ZC3H11A: variants seen among roughly 807,000 people sequenced by gnomAD.
The protein encoded by ZC3H11A is zinc finger CCCH domain-containing protein 11A.
A neutral mutation model predicts 90.8 loss-of-function variants in ZC3H11A; 22 were observed. The ratio of observed to expected loss-of-function variants is 0.24; its 90% CI spans 0.17 to 0.35. The LOEUF (loss-of-function observed/expected upper bound fraction) is 0.35. Among genes scored for constraint, ZC3H11A ranks in the 10% least tolerant of loss-of-function variants. ZC3H11A has a pLI of 1.00. For missense variants in ZC3H11A, 701 were observed against 964.9 expected, an observed-to-expected ratio of 0.73 and a Z score of 3.62; for synonymous variants, 294 against 339.8, an observed-to-expected ratio of 0.87 and a Z score of 1.48.
intron 10 of ZC3H11A, 112 bp downstream of exon 10, chr1:203,833,965 C>CTT: frequency 7.1e-7 from 1 of 1,406,074 alleles, no homozygotes; most frequent in Admixed American, 2.7e-5. Flanking sequence ...CCTGTATTGG[C>CTT]TGAAAGCACT....
chr1:203,828,951 C>T (rs1236643482), intron 5 of ZC3H11A, among the ~76,000 whole-genome samples: 1 of 152,114 alleles, frequency 6.6e-6, no homozygotes, highest in African/African-American at 2.4e-5. Flanking sequence ...GTGGTTATTC[C>T]CAAAGTTCAT....
At position 203,849,897 on chromosome 1, in the gene ZC3H11A, A is replaced by C. The variant is rs755520271; in HGVS notation, c.1810A>C (p.Ile604Leu). The change falls in exon 15 of 18, where the codon ATC becomes CTC. Residue 604 changes from isoleucine to leucine, a missense_variant. Ile to Leu is a conservative substitution (Grantham distance 5). Around this residue, in one of 4 missense-constraint regions of ZC3H11A, gnomAD observed 530 missense variants for 696.2 expected, o/e 0.76. Coordinates refer to ENST00000367210, the MANE Select transcript of ZC3H11A (RefSeq NM_001376342.1). ...EKPVLTAVPG[I>L]TRHLTKRLPT... ...ACCAGTGCTCACTGCTGTGCCAGGA[A>C]TCACACGGCACCTGACCAAGCGGCT... 1.1e-5 allele frequency: 18 copies of C among 1,614,166 alleles called. No homozygotes were observed. Among genetic ancestry groups the C allele is most frequent in the Non-Finnish European group, 1.5e-5 (18 of 1,180,046 alleles).
intron 13 of ZC3H11A, 55 bp downstream of exon 13, chr1:203,847,742 G>T: frequency 6.4e-7 from 1 of 1,562,884 alleles, no homozygotes; most frequent in Non-Finnish European, 8.6e-7. Flanking sequence ...TTCCAGAGGA[G>T]TGTTCCGTGG....
chr1:203,819,660 G>A (rs1175087656), intron 4 of ZC3H11A, among the ~76,000 whole-genome samples: 19 of 148,628 alleles, frequency 1.3e-4, no homozygotes, highest in Admixed American at 8.8e-4. Flanking sequence ...TCAGCCTCCC[G>A]AGTAGCTAGA....
chr1:203,812,510 C>T (rs1674830173), intron 2 of ZC3H11A, among the ~76,000 whole-genome samples: 1 of 150,876 alleles, frequency 6.6e-6, no homozygotes, highest in East Asian at 1.9e-4. Flanking sequence ...TTTCAGACTT[C>T]TGTCTTGTTG....
Position 203,847,370 on chromosome 1 carries a change from T to C in ZC3H11A, c.1229T>C (p.Leu410Pro). The C allele has an allele frequency of 1.2e-6, 2 of 1,613,882 alleles. No homozygotes were observed. The highest frequency in any genetic ancestry group is 2.2e-5 in the South Asian group (2 of 91,076). The change falls in exon 13 of 18, where the codon CTG (leucine) becomes CCG (proline). Residue 410 changes from leucine to proline, a missense_variant. Around this residue, in one of 4 missense-constraint regions of ZC3H11A, gnomAD observed 530 missense variants for 696.2 expected, o/e 0.76. Transcript: ENST00000367210. ...TIRIKTFSEV[L>P]AEKKHRQQEA... is the part of the protein sequence containing the mutation. ...CGTATCAAAACCTTCTCTGAGGTCC[T>C]GGCTGAAAAAAAACATCGGCAGCAG...
chr1:203,845,439 G>T lies in ZC3H11A; in HGVS notation c.1043-1745G>T, dbSNP rs1259026900. ...GAGTGCTTCCTTTGCAATATTACAG[G>T]TACCTAAATACAGTCGTTGTTCTCA... On this transcript the variant is annotated intron_variant, in intron 12 of 17. Transcript: ENST00000367210. 2.0e-5 allele frequency among the ~76,000 whole-genome samples: 3 copies of T among 152,190 alleles called. No homozygotes were observed. The South Asian group carries it at 6.2e-4, about 31-fold the overall frequency.
chr1:203,819,211 TTTTTC>T (rs1206374862), intron 4 of ZC3H11A, among the ~76,000 whole-genome samples: 20 of 147,700 alleles, frequency 1.4e-4, no homozygotes, highest in African/African-American at 4.6e-4. Flanking sequence ...ATGCAATTTT[TTTTTC>T]TTTCTTTTTA....
intron 8 of ZC3H11A, 83 bp from the exon 9 acceptor site, chr1:203,831,578 C>CTTTTTT: frequency 3.5e-6 from 4 of 1,148,432 alleles, no homozygotes; most frequent in Non-Finnish European, 5.1e-6. Flanking sequence ...TTGGACTTAA[C>CTTTTTT]TGGTTACAAA....
At chr1:203,806,830 C>CTTTTTTTTTTTTTT (rs373591619) in intron 2 of ZC3H11A, among the ~76,000 whole-genome samples, 2 of 117,852 alleles carry the variant, frequency 1.7e-5, no homozygotes, top group African/African-American at 3.2e-5. Context: ...CCTCAGGTTC[C>CTTTTTTTTTTTTTT]TTTTTTTTTT....
intron 1 of ZC3H11A, chr1:203,798,004 G>A: frequency 6.5e-7 from 1 of 1,533,900 alleles, no homozygotes. Context: ...GTCAGCAGGG[G>A]TAAACCAGGT....
intron 2 of ZC3H11A, among the ~76,000 whole-genome samples, chr1:203,805,143 A>ATT (rs148879848): frequency 1.5e-5 from 2 of 131,404 alleles, no homozygotes; most frequent in African/African-American, 5.7e-5. Flanking sequence ...TACAGTAGTG[A>ATT]TTTTTTTTTT....
intron 4 of ZC3H11A, among the ~76,000 whole-genome samples, chr1:203,821,900 G>A (rs1384320348): frequency 6.6e-6 from 1 of 152,004 alleles, no homozygotes; most frequent in East Asian, 1.9e-4. Flanking sequence ...TGGGATTACA[G>A]GTGCCCGCCA....
chr1:203,827,614 G>A (rs1354086558), intron 4 of ZC3H11A, among the ~76,000 whole-genome samples: 5 of 151,780 alleles, frequency 3.3e-5, no homozygotes, highest in East Asian at 1.9e-4. Flanking sequence ...CCCGGGAGGC[G>A]GAGCTTGCAG....
intron 13 of ZC3H11A, among the ~76,000 whole-genome samples, chr1:203,847,994 T>A (rs1000686170): frequency 2.0e-5 from 3 of 152,158 alleles, no homozygotes; most frequent in Non-Finnish European, 4.4e-5. Context: ...TAGCTGGGGC[T>A]ACAGACATGT....
intron 1 of ZC3H11A, chr1:203,801,077 T>C (rs1670423967): frequency 6.6e-6 from 1 of 152,208 alleles, no homozygotes; most frequent in South Asian, 2.1e-4. Flanking sequence ...TAGGAAAATA[T>C]ACTTTTAGTC....
intron 1 of ZC3H11A, chr1:203,798,016 G>T: frequency 6.5e-7 from 1 of 1,533,974 alleles, no homozygotes; most frequent in Non-Finnish European, 8.7e-7. Context: ...AAACCAGGTA[G>T]CCATCTTGGT....
chr1:203,838,721 T>C (rs1309590748), intron 11 of ZC3H11A, among the ~76,000 whole-genome samples: 1 of 151,906 alleles, frequency 6.6e-6, no homozygotes, highest in Non-Finnish European at 1.5e-5. Flanking sequence ...GAGGCCGAGG[T>C]GGGTGGATCA....
At chr1:203,824,934 G>A (rs1679996091) in intron 4 of ZC3H11A, among the ~76,000 whole-genome samples, 1 of 151,942 alleles carries the variant, frequency 6.6e-6, no homozygotes, top group East Asian at 1.9e-4. Flanking sequence ...AAAATTAGCC[G>A]GGCATGGTGA....
Sources: gnomAD v4.1 joint callset for allele counts (sites outside exome capture counted in the v4.1 genomes callset) on GRCh38, gnomAD v4.1.1 for gene constraint, gnomAD v4.1.1 regional missense constraint, MANE v1.5 for transcripts, NCBI Gene and HGNC (gene_info 2026-07-23, HGNC 2026-07-21) for gene names.